The following KCNH8 variants were observed in gnomAD, a reference collection of about 807,000 sequenced individuals.
The protein encoded by KCNH8 is voltage-gated delayed rectifier potassium channel KCNH8.
Under a neutral mutation model 103.6 loss-of-function variants are expected in KCNH8, and 70 were observed. The ratio of observed to expected loss-of-function variants is 0.68; its 90% CI spans 0.56 to 0.82. KCNH8 has a LOEUF of 0.82. KCNH8 is among the 40% of genes least tolerant of loss of function. The pLI, the probability that KCNH8 is intolerant of heterozygous loss-of-function variation, is 0.00. For synonymous variants in KCNH8, 498 were observed against 489.4 expected (o/e 1.02, Z -0.23); for missense variants, 1,217 against 1,329.9 (o/e 0.92, Z 1.32).
chr3:19,149,512 A>C (rs1354624750), intron 1 of KCNH8, among the ~76,000 whole-genome samples: 2 of 152,136 alleles, frequency 1.3e-5, no homozygotes, highest in Non-Finnish European at 2.9e-5. Flanking sequence ...CAGTAGGAAA[A>C]AAAATAGATA....
At chr3:19,240,270 A>G (rs558260116) in intron 1 of KCNH8, among the ~76,000 whole-genome samples, 13 of 152,128 alleles carry the variant, frequency 8.5e-5, no homozygotes, top group Non-Finnish European at 1.5e-4. Context: ...AAATTATCCA[A>G]TTTCTGCTAA....
intron 1 of KCNH8, among the ~76,000 whole-genome samples, chr3:19,221,281 C>G (rs1290223046): frequency 6.6e-6 from 1 of 152,102 alleles, no homozygotes; most frequent in Non-Finnish European, 1.5e-5. Flanking sequence ...AGTGTTAGGA[C>G]GCTAAGGGGC....
chr3:19,197,927 G>C (rs1386820171), intron 1 of KCNH8, among the ~76,000 whole-genome samples: 1 of 151,964 alleles, frequency 6.6e-6, no homozygotes, highest in East Asian at 1.9e-4. Flanking sequence ...CGTAATCACT[G>C]GGTAAAGAGG....
chr3:19,226,707 G>A (rs975104568), intron 1 of KCNH8, among the ~76,000 whole-genome samples: 1 of 151,960 alleles, frequency 6.6e-6, no homozygotes, highest in African/African-American at 2.4e-5. Flanking sequence ...TATTCAGGCT[G>A]TGCTCTGCTA....
intron 5 of KCNH8, among the ~76,000 whole-genome samples, chr3:19,375,041 T>G (rs529575400): frequency 2.0e-4 from 31 of 151,828 alleles, no homozygotes; most frequent in East Asian, 9.7e-4. Context: ...CCTTAACATT[T>G]TTTCCTTCAT....
At position 19,503,362 on chromosome 3, in the gene KCNH8, C is replaced by T. The variant is rs539582127; in HGVS notation, c.2041-7001C>T. On this transcript the variant is annotated intron_variant, in intron 11 of 15. Transcript: ENST00000328405. Reference sequence around the variant, plus strand: ...AACCTAGTTCAACCATTGTGGAAGTCAGTGTGGCGATTCCTCAGGGGTCTA... The same window carrying T: ...AACCTAGTTCAACCATTGTGGAAGTTAGTGTGGCGATTCCTCAGGGGTCTA... Among the ~76,000 whole-genome samples, 6 of 152,284 alleles carry T rather than the reference C, an allele frequency of 3.9e-5. 1 individual carries two copies. In the South Asian group the frequency reaches 1.2e-3, roughly 32 times the overall value.
At chr3:19,339,792 G>T (rs2065633466) in intron 3 of KCNH8, among the ~76,000 whole-genome samples, 1 of 152,026 alleles carries the variant, frequency 6.6e-6, no homozygotes, top group African/African-American at 2.4e-5. Flanking sequence ...GCATCCCAGA[G>T]TGGTGTGGGA....
chr3:19,334,579 A>C (rs1212913054), intron 3 of KCNH8, among the ~76,000 whole-genome samples: 2 of 151,794 alleles, frequency 1.3e-5, no homozygotes, highest in African/African-American at 4.8e-5. Flanking sequence ...TTTTTAATTG[A>C]GCAAAACTAA....
intron 5 of KCNH8, among the ~76,000 whole-genome samples, chr3:19,387,635 C>T (rs1360178904): frequency 6.6e-6 from 1 of 152,060 alleles, no homozygotes; most frequent in Non-Finnish European, 1.5e-5. Context: ...GTGTACCATA[C>T]ACTTTATAAG....
In KCNH8 at chr3:19,389,628, G is replaced by GT. The variant is rs1242030062; in HGVS notation, c.812-847dup. The stretch of plus-strand genomic sequence containing the variant: ...ATAGATTTCAGATTATATTTAGTGG[G>GT]TTTTTTGTTTTTGTTTTTGAAACAG... On this transcript the variant is annotated intron_variant, in intron 5 of 15. Transcript: ENST00000328405. 1.3e-5 allele frequency among the ~76,000 whole-genome samples: 2 copies of GT among 151,810 alleles called. 1 individual carries two copies. Among genetic ancestry groups the GT allele is most frequent in the Admixed American group, 1.3e-4 (2 of 15,206 alleles).
At chr3:19,432,395 C>T (rs967008920) in intron 7 of KCNH8, among the ~76,000 whole-genome samples, 32 of 152,238 alleles carry the variant, frequency 2.1e-4, no homozygotes, top group African/African-American at 7.7e-4. Context: ...CATTTTTCCT[C>T]TCTAGCTTTT....
intron 5 of KCNH8, among the ~76,000 whole-genome samples, chr3:19,351,664 C>A (rs1357532642): frequency 1.3e-5 from 2 of 152,072 alleles, no homozygotes; most frequent in African/African-American, 2.4e-5. Context: ...GAAATAAAAT[C>A]CTTTACAGAC....
chr3:19,307,217 AAAG>A (rs1366885779), intron 3 of KCNH8, among the ~76,000 whole-genome samples: 5 of 152,070 alleles, frequency 3.3e-5, no homozygotes, highest in Non-Finnish European at 7.4e-5. Flanking sequence ...AAAGAAAAAA[AAAG>A]CAATCCAATT....
intron 8 of KCNH8, among the ~76,000 whole-genome samples, chr3:19,446,088 T>C (rs2067358360): frequency 6.6e-6 from 1 of 152,024 alleles, no homozygotes. Flanking sequence ...AAAATAGTTT[T>C]CCAGAATTTC....
At chr3:19,346,804 ACCT>A in intron 4 of KCNH8, 1 of 415,624 alleles carries the variant, frequency 2.4e-6, no homozygotes, top group South Asian at 1.8e-5. Flanking sequence ...AGTTTCCATT[ACCT>A]ATCTTATATT....
chr3:19,170,810 A>ATATT (rs1553620146), intron 1 of KCNH8, among the ~76,000 whole-genome samples: 1 of 75,334 alleles, frequency 1.3e-5, no homozygotes, highest in East Asian at 3.0e-4. Context: ...ATATATATAT[A>ATATT]TTTTTTTTTT....
chr3:19,354,335 C>A (rs2125324798), intron 5 of KCNH8, among the ~76,000 whole-genome samples: 1 of 152,196 alleles, frequency 6.6e-6, no homozygotes, highest in African/African-American at 2.4e-5. Context: ...AATGCTATCC[C>A]CATCAAGCTA....
At chr3:19,189,305 ATC>A (rs2063529929) in intron 1 of KCNH8, among the ~76,000 whole-genome samples, 1 of 152,080 alleles carries the variant, frequency 6.6e-6, no homozygotes. Flanking sequence ...TTTTAAGTGA[ATC>A]TAACAAATGT....
At chr3:19,493,313 C>T (rs191331158) in intron 11 of KCNH8, among the ~76,000 whole-genome samples, 115 of 152,194 alleles carry the variant, frequency 7.6e-4, no homozygotes, top group Admixed American at 1.7e-3. Flanking sequence ...TGTCCCCACC[C>T]AAATCTCATC....
Sources: gnomAD v4.1 joint callset for allele counts (sites outside exome capture counted in the v4.1 genomes callset) on GRCh38, gnomAD v4.1.1 for gene constraint, MANE v1.5 for transcripts, NCBI Gene and HGNC (gene_info 2026-07-23, HGNC 2026-07-21) for gene names.